The following NPY4R2 variants were observed in gnomAD, a reference collection of about 807,000 sequenced individuals.
NPY4R2 encodes neuropeptide Y receptor type 4-2.
For synonymous variants in NPY4R2, 6 were observed against 115.2 expected, an observed-to-expected ratio of 0.05 and a Z score of 6.07; for missense variants, 7 against 268.8, an observed-to-expected ratio of 0.03 and a Z score of 6.81.
upstream of NPY4R2, among the ~76,000 whole-genome samples, chr10:47,918,383 G>GAGAAAGAAAGAAAGAAAGAAAGAAAGAA (rs1227500817): frequency 1.9e-4 from 2 of 10,502 alleles, no homozygotes; most frequent in East Asian, 1.3e-3. Flanking sequence ...GAGAGAGAGA[G>GAGAAAGAAAGAAAGAAAGAAAGAAAGAA]AGAAAGAAAG....
upstream of NPY4R2, among the ~76,000 whole-genome samples, chr10:47,918,431 A>AAGAAAGAAAGAAAGAAAGAG: frequency 3.2e-5 from 1 of 31,112 alleles, no homozygotes; most frequent in East Asian, 5.7e-4. Flanking sequence ...GAAAGAAAGA[A>AAGAAAGAAAGAAAGAAAGAG]AGAGAGAGAG....
upstream of NPY4R2, among the ~76,000 whole-genome samples, chr10:47,918,428 A>AGAAAGAAAGAAAG (rs1554991173): frequency 5.2e-4 from 18 of 34,648 alleles, 7 homozygotes; most frequent in Admixed American, 8.3e-4. Flanking sequence ...AAAGAAAGAA[A>AGAAAGAAAGAAAG]GAAAGAGAGA....
At chr10:47,918,383 GAGAAAGAAAGAAAGAA>G (rs1227500817), upstream of NPY4R2, among the ~76,000 whole-genome samples, 1 of 10,506 alleles carries the variant, frequency 9.5e-5, no homozygotes, top group Non-Finnish European at 1.6e-4. Flanking sequence ...GAGAGAGAGA[GAGAAAGAAAGAAAGAA>G]AGAAAGAAAG....
chr10:47,918,427 AAGAAAG>A (rs1252298962), upstream of NPY4R2, among the ~76,000 whole-genome samples: 1,003 of 34,700 alleles, frequency 0.029, 102 homozygotes, highest in South Asian at 0.051. Context: ...GAAAGAAAGA[AAGAAAG>A]AGAGAGAGAA....
upstream of NPY4R2, among the ~76,000 whole-genome samples, chr10:47,918,377 G>GAA (rs1841037023): frequency 5.6e-5 from 1 of 17,960 alleles, no homozygotes; most frequent in African/African-American, 4.4e-4. Flanking sequence ...GAGAGAGAGA[G>GAA]AGAGAGAGAA....
At chr10:47,914,985 T>C (rs1841642748), upstream of NPY4R2, among the ~76,000 whole-genome samples, 3 of 152,298 alleles carry the variant, frequency 2.0e-5, no homozygotes, top group Non-Finnish European at 4.4e-5. Flanking sequence ...TCTTTGGTTC[T>C]CTGTTATAAG....
upstream of NPY4R2, among the ~76,000 whole-genome samples, chr10:47,916,679 C>T (rs1265168765): frequency 7.3e-6 from 1 of 136,144 alleles, no homozygotes; most frequent in Non-Finnish European, 1.7e-5. Context: ...CTGTTTGCTG[C>T]TTTTACCACC....
chr10:47,916,742 G>A (rs1554991824), upstream of NPY4R2, among the ~76,000 whole-genome samples: 195 of 126,842 alleles, frequency 1.5e-3, 1 homozygote, highest in Non-Finnish European at 2.4e-3. Flanking sequence ...TTCAGGCTGC[G>A]TGCCTTGCGC....
upstream of NPY4R2, among the ~76,000 whole-genome samples, chr10:47,918,419 AAGAAAGAAAGAAAG>A (rs797026561): frequency 0.016 from 534 of 33,890 alleles, 11 homozygotes; most frequent in Admixed American, 0.038. Context: ...GAAAGAAAGA[AAGAAAGAAAGAAAG>A]AGAGAGAGAA....
At chr10:47,921,719 G>A (rs1376925816) in intron 2 of NPY4R2, among the ~76,000 whole-genome samples, 1 of 151,324 alleles carries the variant, frequency 6.6e-6, no homozygotes, top group East Asian at 2.0e-4. Flanking sequence ...AGACGAAAGT[G>A]CTGAGCACAG....
upstream of NPY4R2, among the ~76,000 whole-genome samples, chr10:47,916,669 C>T (rs1482878752): frequency 7.3e-6 from 1 of 136,466 alleles, no homozygotes; most frequent in Non-Finnish European, 1.7e-5. Flanking sequence ...GGCAAGGGAG[C>T]TGTTTGCTGC....
upstream of NPY4R2, among the ~76,000 whole-genome samples, chr10:47,918,431 A>AAGAAAGAAAGAG (rs1554991177): frequency 5.1e-4 from 16 of 31,104 alleles, 1 homozygote; most frequent in East Asian, 2.9e-3. Flanking sequence ...GAAAGAAAGA[A>AAGAAAGAAAGAG]AGAGAGAGAG....
chr10:47,920,232 A>G, intron 1 of NPY4R2, among the ~76,000 whole-genome samples: 2 of 91,594 alleles, frequency 2.2e-5, no homozygotes, highest in Admixed American at 1.1e-4. Context: ...TGACCAAATG[A>G]GACTCTTTTT....
intron 1 of NPY4R2, among the ~76,000 whole-genome samples, chr10:47,920,011 C>T (rs1841707636): frequency 9.6e-5 from 1 of 10,420 alleles, no homozygotes; most frequent in Admixed American, 1.1e-3. Flanking sequence ...TGCAGTGCCT[C>T]TGCCACAGGT....
upstream of NPY4R2, among the ~76,000 whole-genome samples, chr10:47,916,524 A>G (rs1554991911): frequency 7.8e-6 from 1 of 127,828 alleles, no homozygotes; most frequent in South Asian, 2.6e-4. Context: ...CAGCCCTACC[A>G]TCTACAAGTT....
chr10:47,920,719 G>A lies in NPY4R2; in HGVS notation c.-215-19G>A, dbSNP rs2132188883. 1 of 140,802 alleles carries A rather than the reference G, an allele frequency of 7.1e-6. No homozygotes were observed. Among genetic ancestry groups the A allele is most frequent in the East Asian group, 2.0e-4 (1 of 4,880 alleles). 8.7% of individuals were successfully genotyped at this position (140,802 alleles called of 1,614,324 possible). A position where few individuals can be genotyped will look rare whatever the true frequency, so the allele number is the denominator to read the frequency against. On this transcript the variant is annotated intron_variant, in intron 1 of 2. Coordinates refer to ENST00000576178, the Ensembl canonical transcript of NPY4R2. Reference sequence around the variant, plus strand: ...GGGCCATGTGCATCAGAATCACATAGTCTACTTGTTAAATACAGATTCCTG... The same window carrying A: ...GGGCCATGTGCATCAGAATCACATAATCTACTTGTTAAATACAGATTCCTG...
upstream of NPY4R2, among the ~76,000 whole-genome samples, chr10:47,918,356 G>GGAGAGA (rs139901640): frequency 2.8e-4 from 5 of 17,744 alleles, 1 homozygote; most frequent in East Asian, 1.6e-3. Context: ...GGGGAGGGAG[G>GGAGAGA]GAGAGAGAGA....
chr10:47,914,946 G>T (rs1363914038), upstream of NPY4R2, among the ~76,000 whole-genome samples: 1 of 152,272 alleles, frequency 6.6e-6, no homozygotes, highest in Non-Finnish European at 1.5e-5. Context: ...TATCTCCTTT[G>T]TGCTGTTGAT....
At chr10:47,914,924 T>G (rs1841144853), upstream of NPY4R2, among the ~76,000 whole-genome samples, 1 of 152,270 alleles carries the variant, frequency 6.6e-6, no homozygotes, top group East Asian at 1.9e-4. Context: ...ATTTTGTTTA[T>G]TCATCTTGAC....
Sources: gnomAD v4.1 joint callset for allele counts (sites outside exome capture counted in the v4.1 genomes callset) on GRCh38, gnomAD v4.1.1 for gene constraint, MANE v1.5 for transcripts, NCBI Gene and HGNC (gene_info 2026-07-23, HGNC 2026-07-21) for gene names.